RBFOX1: variants seen among roughly 807,000 people sequenced by gnomAD.
The protein encoded by RBFOX1 is RNA binding fox-1 homolog 1, also known as RNA binding protein fox-1 homolog 1.
Under a neutral mutation model 57.7 loss-of-function variants are expected in RBFOX1, and 8 were observed. The observed-to-expected ratio is 0.14, with a 90% CI of 0.08 to 0.25. The LOEUF (loss-of-function observed/expected upper bound fraction) is 0.25. Among genes scored for constraint, RBFOX1 ranks in the 10% least tolerant of loss-of-function variants. RBFOX1 has a pLI of 1.00. For synonymous variants in RBFOX1, 326 were observed against 222.4 expected (o/e 1.47, Z -4.15); for missense variants, 611 against 548.5 (o/e 1.11, Z -1.14).
chr16:7,368,097 T>C (rs769205603), intron 4 of RBFOX1, among the ~76,000 whole-genome samples: 7 of 152,136 alleles, frequency 4.6e-5, no homozygotes, highest in Non-Finnish European at 4.4e-5. Flanking sequence ...TGAAACCCCA[T>C]CTTTACTAAA....
At chr16:5,573,549 C>G (rs999501247) in intron 2 of RBFOX1, among the ~76,000 whole-genome samples, 2 of 152,154 alleles carry the variant, frequency 1.3e-5, no homozygotes, top group Admixed American at 1.3e-4. Context: ...CGGAATGTAC[C>G]AGAAATCAAC....
intron 4 of RBFOX1, among the ~76,000 whole-genome samples, chr16:5,883,503 A>G (rs1486873177): frequency 7.7e-6 from 1 of 129,822 alleles, no homozygotes; most frequent in African/African-American, 3.4e-5. Context: ...GGAACCTGCA[A>G]TCCCAGATAC....
chr16:6,243,957 A>G (rs1473291074), intron 1 of RBFOX1, among the ~76,000 whole-genome samples: 2 of 152,308 alleles, frequency 1.3e-5, no homozygotes, highest in South Asian at 2.1e-4. Context: ...TGTATAAGCC[A>G]GTAAACTCCT....
chr16:6,804,776 C>T (rs991732839), intron 3 of RBFOX1, among the ~76,000 whole-genome samples: 1 of 152,188 alleles, frequency 6.6e-6, no homozygotes, highest in African/African-American at 2.4e-5. Flanking sequence ...GGGGGCCGTT[C>T]CCTACTCTAT....
intron 1 of RBFOX1, among the ~76,000 whole-genome samples, chr16:5,383,459 G>A (rs1039228422): frequency 1.3e-5 from 2 of 152,164 alleles, no homozygotes; most frequent in Non-Finnish European, 2.9e-5. Flanking sequence ...TGGTTAGTTG[G>A]CACTGTTAAG....
intron 1 of RBFOX1, among the ~76,000 whole-genome samples, chr16:5,397,628 G>A (rs1425199028): frequency 6.6e-6 from 1 of 152,190 alleles, no homozygotes; most frequent in Non-Finnish European, 1.5e-5. Flanking sequence ...TAGATGAAAG[G>A]CATGAAGAAA....
intron 1 of RBFOX1, among the ~76,000 whole-genome samples, chr16:6,235,558 ATGTGTGTGTGTGTGTGTGTGTG>A (rs3064942): frequency 2.0e-5 from 3 of 147,166 alleles, no homozygotes; most frequent in Non-Finnish European, 4.5e-5. Context: ...GCGTGTATGT[ATGTGTGTGTGTGTGTGTGTGTG>A]TGTGTGTGTG....
At chr16:6,843,665 G>C (rs1567519576) in intron 3 of RBFOX1, among the ~76,000 whole-genome samples, 1 of 152,122 alleles carries the variant, frequency 6.6e-6, no homozygotes, top group African/African-American at 2.4e-5. Context: ...CTCCAGCCTG[G>C]GTGACAGAGC....
intron 3 of RBFOX1, among the ~76,000 whole-genome samples, chr16:6,779,955 T>TTA (rs1262054410): frequency 8.8e-4 from 14 of 15,852 alleles, no homozygotes; most frequent in Admixed American, 3.5e-3. Flanking sequence ...ATTTATATAT[T>TTA]TATATATTTA....
At chr16:7,529,175 T>A (rs1001451410) in intron 5 of RBFOX1, among the ~76,000 whole-genome samples, 2 of 152,016 alleles carry the variant, frequency 1.3e-5, no homozygotes, top group African/African-American at 2.4e-5. Context: ...GCAGAAGAAT[T>A]GCTTGAACCT....
At chr16:6,959,906 A>C (rs1268366577) in intron 3 of RBFOX1, among the ~76,000 whole-genome samples, 1 of 152,206 alleles carries the variant, frequency 6.6e-6, no homozygotes, top group South Asian at 2.1e-4. Flanking sequence ...ATTGCACTCT[A>C]GCCTGGGCGA....
chr16:7,171,697 C>A (rs547897266), intron 4 of RBFOX1, among the ~76,000 whole-genome samples: 1 of 152,186 alleles, frequency 6.6e-6, no homozygotes, highest in Admixed American at 6.5e-5. Context: ...ATAGGGTAAG[C>A]AATGAGCTTG....
At chr16:5,355,317 G>C (rs2065360572) in intron 1 of RBFOX1, among the ~76,000 whole-genome samples, 1 of 152,194 alleles carries the variant, frequency 6.6e-6, no homozygotes, top group South Asian at 2.1e-4. Flanking sequence ...GCAGGACGCA[G>C]GGACTATGGG....
intron 3 of RBFOX1, among the ~76,000 whole-genome samples, chr16:6,994,389 C>T (rs892745644): frequency 6.6e-6 from 1 of 152,142 alleles, no homozygotes; most frequent in African/African-American, 2.4e-5. Context: ...GAGCTGAAAA[C>T]ATGAATAGTG....
rs539188368 is a variant in RBFOX1, at chr16:6,788,531, A to G, written c.-16+133881A>G. On this transcript the variant is annotated intron_variant, in intron 3 of 15. Coordinates refer to ENST00000550418, the MANE Select transcript of RBFOX1 (RefSeq NM_018723.4). ...TGCTCTGTCGCCCACGCTGGAGTGC[A>G]GTGGCGTGATCTCGGCTCACTGCAA... is the stretch of plus-strand genomic sequence containing the variant. Among the ~76,000 whole-genome samples the G allele has an allele frequency of 2.5e-3, 378 of 151,622 alleles. 1 individual carries two copies. The highest frequency in any genetic ancestry group is 8.9e-3 in the African/African-American group (367 of 41,320).
chr16:7,534,226 A>T (rs2080930098), intron 5 of RBFOX1, among the ~76,000 whole-genome samples: 1 of 151,338 alleles, frequency 6.6e-6, no homozygotes, highest in Non-Finnish European at 1.5e-5. Context: ...AGCTGGGATT[A>T]CAGGCACCCA....
chr16:6,074,777 G>A (rs144091107), intron 1 of RBFOX1, among the ~76,000 whole-genome samples: 2 of 152,106 alleles, frequency 1.3e-5, no homozygotes, highest in Admixed American at 6.6e-5. Context: ...AAGCTCAAGC[G>A]TCAGGCCTCA....
chr16:6,825,121 C>A (rs939279767), intron 3 of RBFOX1, among the ~76,000 whole-genome samples: 1 of 150,032 alleles, frequency 6.7e-6, no homozygotes, highest in Admixed American at 6.7e-5. Flanking sequence ...CTCAGCCTCC[C>A]AAGTAGCTAG....
At chr16:7,058,290 A>T (rs1385182684) in intron 4 of RBFOX1, among the ~76,000 whole-genome samples, 1 of 152,202 alleles carries the variant, frequency 6.6e-6, no homozygotes, top group African/African-American at 2.4e-5. Context: ...AAACTAAAGT[A>T]TCTTTAGCAG....
Sources: allele counts gnomAD v4.1 joint callset (sites outside exome capture counted in the v4.1 genomes callset), GRCh38; gene constraint gnomAD v4.1.1; transcripts MANE v1.5; gene names NCBI Gene and HGNC (gene_info 2026-07-23, HGNC 2026-07-21).